The following NFAT5 variants were observed in gnomAD, a reference collection of about 807,000 sequenced individuals.
The protein encoded by NFAT5 is nuclear factor of activated T-cells 5.
Under a neutral mutation model 166.5 loss-of-function variants are expected in NFAT5, and 31 were observed. That is an observed-to-expected ratio of 0.19 (90% CI 0.14 to 0.25). The LOEUF (loss-of-function observed/expected upper bound fraction) is 0.25, where lower values mean the gene tolerates loss of function less well. NFAT5 is among the 10% of genes least tolerant of loss of function. The pLI, the probability that NFAT5 is intolerant of heterozygous loss-of-function variation, is 1.00. For synonymous variants in NFAT5, 612 were observed against 639.7 expected (o/e 0.96, Z 0.65); for missense variants, 1,449 against 1,821.8 (o/e 0.80, Z 3.72).
rs2037861674 is a variant in NFAT5 at position 69,699,677 on chromosome 16, A to G, written c.*3326A>G. The G allele has an allele frequency of 6.5e-6, 1 of 152,704 alleles. No individual in the cohort carries two copies. Among genetic ancestry groups the G allele is most frequent in the East Asian group, 1.9e-4 (1 of 5,206 alleles). The allele number at this position is 152,704 out of a possible 1,614,324, so 9.5% of individuals were successfully genotyped here. ...GAGACTCAGTGAGCCAGCAAAGGCC[A>G]TAGAAACAACAATTTATTAAATGTA... On this transcript the variant is annotated 3_prime_UTR_variant, in exon 15 of 15. Coordinates refer to ENST00000349945, the MANE Select transcript of NFAT5 (RefSeq NM_138713.4).
In NFAT5 at chr16:69,702,377, TCATTTTAGAAACGTCA is replaced by T. The variant is rs55762410; in HGVS notation, c.*6039_*6054del. 2.0e-5 allele frequency: 3 copies of T among 152,436 alleles called. No individual in the cohort carries two copies. The highest frequency in any genetic ancestry group is 4.4e-5 in the Non-Finnish European group (3 of 68,046). 9.4% of individuals were successfully genotyped at this position (152,436 alleles called of 1,614,324 possible). ...GGGGAAATAATTATGCTTTAGCACA[TCATTTTAGAAACGTCA>T]CATTTTAGAAACATTCAGCTTGCTA... On this transcript the variant is annotated 3_prime_UTR_variant, in exon 15 of 15. Coordinates refer to ENST00000349945, the MANE Select transcript of NFAT5 (RefSeq NM_138713.4).
chr16:69,637,525 G>T (rs1419289053), intron 3 of NFAT5, among the ~76,000 whole-genome samples: 2 of 152,188 alleles, frequency 1.3e-5, no homozygotes, highest in Non-Finnish European at 2.9e-5. Context: ...CAGAATCATG[G>T]TGGGAGGCAA....
In NFAT5 at chr16:69,693,649, A is replaced by G. The variant is rs1471007475; in HGVS notation, c.3824A>G (p.Gln1275Arg). The G allele has an allele frequency of 1.2e-6, 2 of 1,614,056 alleles. No individual in the cohort carries two copies. The highest frequency in any genetic ancestry group is 1.7e-6 in the Non-Finnish European group (2 of 1,180,016). ...SQEQQQQQQQ[Q>R]QQQQQQQQQS... ...GAACAGCAGCAGCAGCAGCAACAGC[A>G]GCAGCAACAGCAGCAGCAACAACAA... Residue 1275 changes from glutamine to arginine, a missense_variant, in exon 13 of 15, where the codon CAG becomes CGG. Around this residue, in one of 7 missense-constraint regions of NFAT5, gnomAD observed 891 missense variants for 993.0 expected, o/e 0.90. Transcript: ENST00000349945.
chr16:69,664,657 A>AT (rs1486002358), intron 7 of NFAT5, among the ~76,000 whole-genome samples: 2 of 152,096 alleles, frequency 1.3e-5, no homozygotes, highest in African/African-American at 2.4e-5. Context: ...CAAAAAGGTG[A>AT]TTTTTTGTGT....
chr16:69,637,470 A>G (rs2035016546), intron 3 of NFAT5, among the ~76,000 whole-genome samples: 1 of 152,164 alleles, frequency 6.6e-6, no homozygotes, highest in Non-Finnish European at 1.5e-5. Flanking sequence ...TTGGGAAGAA[A>G]AAATGTTCAT....
intron 2 of NFAT5, among the ~76,000 whole-genome samples, chr16:69,585,295 C>T (rs922791495): frequency 5.3e-5 from 8 of 151,926 alleles, no homozygotes; most frequent in African/African-American, 1.9e-4. Flanking sequence ...TGGTGTGAGC[C>T]ACGGCGCCCA....
In NFAT5 at chr16:69,580,858, T is replaced by C. The variant is rs556231709; in HGVS notation, c.127+12310T>C. Among the ~76,000 whole-genome samples, 338 of 152,130 alleles carry C rather than the reference T, an allele frequency of 2.2e-3. 2 individuals carry two copies. The highest frequency in any genetic ancestry group is 5.8e-3 in the South Asian group (28 of 4,828). On this transcript the variant is annotated intron_variant, in intron 2 of 14. Coordinates refer to ENST00000349945, the MANE Select transcript of NFAT5 (RefSeq NM_138713.4). ...TTTTAGTAGAGACAGGGTTTCACCATGTTAGCCAGGATGGTCTCGATCTCC... is the reference window on the plus strand; with the variant it reads ...TTTTAGTAGAGACAGGGTTTCACCACGTTAGCCAGGATGGTCTCGATCTCC...
intron 2 of NFAT5, among the ~76,000 whole-genome samples, chr16:69,608,489 G>C (rs965491150): frequency 2.0e-5 from 3 of 152,150 alleles, no homozygotes; most frequent in Non-Finnish European, 4.4e-5. Flanking sequence ...AGGCGCGGTG[G>C]CTCACGCCTG....
chr16:69,663,490 C>T (rs1033188760), intron 7 of NFAT5, among the ~76,000 whole-genome samples: 3 of 146,180 alleles, frequency 2.1e-5, no homozygotes, highest in African/African-American at 7.6e-5. Flanking sequence ...GTCCCAGCTA[C>T]TTGGGAGGCT....
At chr16:69,649,277 A>G (rs1169595046) in intron 4 of NFAT5, 1 of 957,064 alleles carries the variant, frequency 1.0e-6, no homozygotes, top group African/African-American at 1.8e-5. Context: ...AGTCTTTAAT[A>G]TAAAGTTCCA....
At chr16:69,673,330 G>C (rs527926240) in intron 9 of NFAT5, among the ~76,000 whole-genome samples, 132 of 152,044 alleles carry the variant, frequency 8.7e-4, no homozygotes, top group South Asian at 3.1e-3. Flanking sequence ...TTTCTTGGAA[G>C]CCTTTTCTTT....
chr16:69,667,335 T>TA lies in NFAT5; in HGVS notation c.1370-2632dup, dbSNP rs56778821. On this transcript the variant is annotated intron_variant, in intron 7 of 14. Transcript: ENST00000349945. ...CTTAAAAGTATAATAATAATACATT[T>TA]AAAAAAAAAACTTTACAAGAATAGT... Among the ~76,000 whole-genome samples, 209 of 150,026 alleles carry TA rather than the reference T, an allele frequency of 1.4e-3. 1 individual carries two copies. Among genetic ancestry groups the TA allele is most frequent in the African/African-American group, 4.6e-3 (189 of 41,076 alleles).
At chr16:69,658,088 A>T (rs895434046) in intron 6 of NFAT5, among the ~76,000 whole-genome samples, 12 of 151,466 alleles carry the variant, frequency 7.9e-5, no homozygotes, top group African/African-American at 1.7e-4. Flanking sequence ...GTCTCAAAAA[A>T]AAAAAAATAA....
intron 2 of NFAT5, among the ~76,000 whole-genome samples, chr16:69,606,522 A>C (rs932426179): frequency 2.6e-5 from 4 of 152,086 alleles, no homozygotes; most frequent in African/African-American, 9.7e-5. Flanking sequence ...ACACTTCTGC[A>C]GTCCAAGTAC....
chr16:69,583,430 A>G (rs980735228), intron 2 of NFAT5, among the ~76,000 whole-genome samples: 1 of 151,926 alleles, frequency 6.6e-6, no homozygotes, highest in African/African-American at 2.4e-5. Context: ...GCCCAGGCTG[A>G]TCTTGAACTC....
intron 10 of NFAT5, among the ~76,000 whole-genome samples, chr16:69,682,443 C>T (rs28525492): frequency 2.7e-5 from 4 of 148,364 alleles, no homozygotes; most frequent in East Asian, 2.1e-4. Flanking sequence ...CCCCCCCCCC[C>T]GCCATCCCTA....
intron 10 of NFAT5, among the ~76,000 whole-genome samples, chr16:69,680,512 T>C (rs1270669151): frequency 6.6e-6 from 1 of 152,234 alleles, no homozygotes; most frequent in Non-Finnish European, 1.5e-5. Context: ...TTAAGTATTC[T>C]ACTTCAAAGG....
chr16:69,607,913 C>T (rs1437807945), intron 2 of NFAT5, among the ~76,000 whole-genome samples: 2 of 152,184 alleles, frequency 1.3e-5, no homozygotes, highest in African/African-American at 4.8e-5. Context: ...GTTTTCCTCA[C>T]ACCAGTAGTA....
Position 69,566,454 on chromosome 16 carries a change from TC to T in NFAT5, c.73+84del. 1 of 1,246,570 alleles carries T rather than the reference TC, an allele frequency of 8.0e-7. No homozygotes were observed. The allele number at this position is 1,246,570 out of a possible 1,614,324, so 77.2% of individuals were successfully genotyped here. A position where few individuals can be genotyped will look rare whatever the true frequency, so the allele number is the denominator to read the frequency against. On this transcript the variant is annotated intron_variant, in intron 1 of 14. Transcript: ENST00000349945. The surrounding 1 kb of genome is among the most constrained non-coding windows in gnomAD (Gnocchi z 5.7). ...AGACAGGGCCAGGGGAGGCGAGGGG[TC>T]CCCGTCCCGCCGGGGGCGGCTGAGC... is the stretch of plus-strand genomic sequence containing the variant.
Sources: gnomAD v4.1 joint callset for allele counts (sites outside exome capture counted in the v4.1 genomes callset) on GRCh38, gnomAD v4.1.1 for gene constraint, gnomAD v4.1.1 regional missense constraint, Gnocchi (gnomAD v3.1) non-coding constraint, MANE v1.5 for transcripts, NCBI Gene and HGNC (gene_info 2026-07-23, HGNC 2026-07-21) for gene names.